Variants in ASIC2 observed in about 807,000 individuals in gnomAD.
The protein encoded by ASIC2 is acid sensing ion channel subunit 2, also known as acid-sensing ion channel 2.
Under a neutral mutation model 57.3 loss-of-function variants are expected in ASIC2, and 25 were observed. The observed-to-expected ratio is 0.44, with a 90% CI of 0.32 to 0.61. ASIC2 has a LOEUF of 0.61. Ranked by LOEUF, ASIC2 falls within the 20% of genes least tolerant of loss-of-function variation. The pLI is 0.06. For synonymous variants in ASIC2, 319 were observed against 307.5 expected (o/e 1.04, Z -0.39); for missense variants, 641 against 738.1 (o/e 0.87, Z 1.52).
intron 1 of ASIC2, among the ~76,000 whole-genome samples, chr17:33,499,473 G>A (rs1914037747): frequency 6.6e-6 from 1 of 152,228 alleles, no homozygotes; most frequent in African/African-American, 2.4e-5. Context: ...CACGAAGGCA[G>A]AGATCAAGGT....
At chr17:34,111,707 C>A (rs952089775) in intron 1 of ASIC2, among the ~76,000 whole-genome samples, 1 of 152,160 alleles carries the variant, frequency 6.6e-6, no homozygotes, top group Admixed American at 6.6e-5. Context: ...ATTCCAATCC[C>A]GTTTCTTCTC....
chr17:33,943,560 A>C (rs1916239480), intron 1 of ASIC2, among the ~76,000 whole-genome samples: 1 of 152,178 alleles, frequency 6.6e-6, no homozygotes, highest in Admixed American at 6.5e-5. Flanking sequence ...CTAGAAGGTT[A>C]ACAGACTTGG....
intron 1 of ASIC2, among the ~76,000 whole-genome samples, chr17:33,234,663 A>G (rs541799043): frequency 6.6e-6 from 1 of 152,358 alleles, no homozygotes; most frequent in South Asian, 2.1e-4. Flanking sequence ...AGGCACCAGC[A>G]GGTTGGAAGA....
At chr17:33,739,287 G>A (rs1240619960) in intron 1 of ASIC2, among the ~76,000 whole-genome samples, 1 of 152,200 alleles carries the variant, frequency 6.6e-6, no homozygotes, top group African/African-American at 2.4e-5. Context: ...AAACCAAAAA[G>A]AGGGGATTTG....
At chr17:34,085,801 T>C (rs1910091964) in intron 1 of ASIC2, among the ~76,000 whole-genome samples, 3 of 152,260 alleles carry the variant, frequency 2.0e-5, no homozygotes, top group African/African-American at 7.2e-5. Context: ...ATCCATTTCT[T>C]CTAGATTTTC....
chr17:33,196,657 G>A (rs1456618068), intron 1 of ASIC2, among the ~76,000 whole-genome samples: 1 of 152,240 alleles, frequency 6.6e-6, no homozygotes, highest in Non-Finnish European at 1.5e-5. Context: ...ACTGTTGGTG[G>A]TGGCAGTGCC....
At chr17:33,626,772 A>C (rs1004504877) in intron 1 of ASIC2, among the ~76,000 whole-genome samples, 1 of 151,780 alleles carries the variant, frequency 6.6e-6, no homozygotes. Flanking sequence ...TCCCTCCTCA[A>C]CTTCCTGGGC....
chr17:33,303,247 C>T (rs1341576236), intron 1 of ASIC2, among the ~76,000 whole-genome samples: 1 of 152,086 alleles, frequency 6.6e-6, no homozygotes, highest in East Asian at 1.9e-4. Flanking sequence ...CAGAGTTTTG[C>T]AAAAACCCTT....
chr17:34,009,645 G>A (rs1465515645), intron 1 of ASIC2, among the ~76,000 whole-genome samples: 1 of 152,164 alleles, frequency 6.6e-6, no homozygotes, highest in Non-Finnish European at 1.5e-5. Context: ...GCTCTGCTCT[G>A]AGGGAAGTAA....
At chr17:33,369,248 G>C (rs577017003) in intron 1 of ASIC2, among the ~76,000 whole-genome samples, 1 of 152,166 alleles carries the variant, frequency 6.6e-6, no homozygotes, top group Non-Finnish European at 1.5e-5. Context: ...CACATGGAGA[G>C]CCAGTAAGAG....
At position 33,976,243 on chromosome 17, in the gene ASIC2, G is replaced by T. The variant is rs540570634; in HGVS notation, c.555+179735C>A. On this transcript the variant is annotated intron_variant, in intron 1 of 9. Transcript: ENST00000359872. ...GTTTAACAATATGATTCATCTAAAGGTGCTTTGAAATGGTACGAGTGTTAC... is the reference window on the plus strand; with the variant it reads ...GTTTAACAATATGATTCATCTAAAGTTGCTTTGAAATGGTACGAGTGTTAC... Among the ~76,000 whole-genome samples, 4 of 151,940 alleles carry T rather than the reference G, an allele frequency of 2.6e-5. No homozygotes were observed. The East Asian group carries it at 7.8e-4, about 30-fold the overall frequency.
intron 1 of ASIC2, among the ~76,000 whole-genome samples, chr17:34,065,689 T>G (rs909563734): frequency 5.3e-5 from 8 of 152,168 alleles, no homozygotes; most frequent in African/African-American, 1.9e-4. Context: ...AGGAAGGTTT[T>G]GCCTACAGTC....
intron 1 of ASIC2, among the ~76,000 whole-genome samples, chr17:34,031,031 C>T (rs773440959): frequency 2.6e-5 from 4 of 152,228 alleles, no homozygotes; most frequent in African/African-American, 9.6e-5. Flanking sequence ...TCCCAGCACA[C>T]AGCTGGAGAT....
intron 1 of ASIC2, among the ~76,000 whole-genome samples, chr17:34,018,008 A>C (rs1362469570): frequency 6.6e-6 from 1 of 152,254 alleles, no homozygotes; most frequent in Non-Finnish European, 1.5e-5. Context: ...TTTTCTATGT[A>C]GATGGAACAG....
chr17:33,291,352 C>A, intron 1 of ASIC2, 56 bp downstream of exon 1: 3 of 1,537,648 alleles, frequency 2.0e-6, no homozygotes, highest in Non-Finnish European at 2.6e-6. Context: ...ACCAGGCCTC[C>A]TGACTGCCGG....
At chr17:33,460,790 A>G (rs12603550) in intron 1 of ASIC2, among the ~76,000 whole-genome samples, 36,997 of 152,106 alleles carry the variant, frequency 0.24, 4,600 homozygotes, top group African/African-American at 0.27. Flanking sequence ...CCACAGAGAG[A>G]TTAAGTAATT....
chr17:34,107,439 G>A (rs1318966484), intron 1 of ASIC2, among the ~76,000 whole-genome samples: 1 of 152,206 alleles, frequency 6.6e-6, no homozygotes, highest in Non-Finnish European at 1.5e-5. Context: ...AGCCTGGGAG[G>A]TGGAGGCTGC....
intron 1 of ASIC2, among the ~76,000 whole-genome samples, chr17:34,089,684 T>G (rs1910252707): frequency 6.6e-6 from 1 of 152,018 alleles, no homozygotes; most frequent in Non-Finnish European, 1.5e-5. Context: ...AAGCCCCCAT[T>G]TGCTGCAGAG....
intron 1 of ASIC2, among the ~76,000 whole-genome samples, chr17:33,528,167 G>GGTGTGTGTGTGTGTGTGTGTGT (rs56235143): frequency 0.13 from 18,843 of 143,332 alleles, 1,621 homozygotes; most frequent in East Asian, 0.27. Context: ...GTATGTGGTA[G>GGTGTGTGTGTGTGTGTGTGTGT]GTGTGTGTGT....
Sources: allele counts gnomAD v4.1 joint callset (sites outside exome capture counted in the v4.1 genomes callset), GRCh38; gene constraint gnomAD v4.1.1; transcripts MANE v1.5; gene names NCBI Gene and HGNC (gene_info 2026-07-23, HGNC 2026-07-21).